Variants in RYR1 observed in about 807,000 individuals in gnomAD.
RYR1 encodes the protein ryanodine receptor 1, also known as central core disease of muscle.
In RYR1, 342 loss-of-function variants were observed where a neutral mutation model predicts 583.5. The ratio of observed to expected loss-of-function variants is 0.59; its 90% CI spans 0.54 to 0.64. The LOEUF (loss-of-function observed/expected upper bound fraction) is 0.64, where lower values mean the gene tolerates loss of function less well. RYR1 is among the 30% of genes least tolerant of loss of function. RYR1 has a pLI of 0.00. For missense variants in RYR1, 6,032 were observed against 6,917.2 expected (o/e 0.87, Z 4.54); for synonymous variants, 2,791 against 2,822.5 (o/e 0.99, Z 0.35).
intron 70 of RYR1, among the ~76,000 whole-genome samples, chr19:38,524,282 G>A (rs893058652): frequency 1.4e-5 from 2 of 140,038 alleles, no homozygotes; most frequent in East Asian, 2.1e-4. Context: ...AGAGGCACAC[G>A]GAGCATGGTT....
intron 91 of RYR1, 135 bp from the exon 92 acceptor site, chr19:38,566,776 T>A (rs1291676135): frequency 6.7e-7 from 1 of 1,499,050 alleles, no homozygotes; most frequent in Non-Finnish European, 9.0e-7. Context: ...ATAATCTGCC[T>A]CTTTCTGGTG....
intron 24 of RYR1, 58 bp from the exon 25 acceptor site, chr19:38,467,552 A>G: frequency 1.3e-6 from 2 of 1,579,594 alleles, no homozygotes; most frequent in Non-Finnish European, 1.7e-6. Context: ...CAACTTCTCG[A>G]TGTCTTGGGA....
intron 63 of RYR1, among the ~76,000 whole-genome samples, chr19:38,513,693 A>G (rs576617099): frequency 1.2e-4 from 18 of 151,206 alleles, no homozygotes; most frequent in Non-Finnish European, 2.4e-4. Context: ...CTGAGATTGC[A>G]CCACTGCACT....
At chr19:38,556,050 G>C (rs1243874035) in intron 89 of RYR1, among the ~76,000 whole-genome samples, 1 of 152,010 alleles carries the variant, frequency 6.6e-6, no homozygotes, top group Non-Finnish European at 1.5e-5. Context: ...TTTTAGTAGA[G>C]ACAAGGTTTC....
rs775506842 is a variant in RYR1 at position 38,442,463 on chromosome 19, C to T, written c.270+10C>T. The T allele has an allele frequency of 2.1e-5, 34 of 1,606,324 alleles. 1 individual carries two copies. In the Admixed American group the frequency reaches 3.0e-4, roughly 14 times the overall value. On this transcript the variant is annotated intron_variant, in intron 3 of 105. Transcript: ENST00000359596. ...GGAGGCTGGCGTGGAGGTGAGGACC[C>T]CACCTGGGGGTGGGCGGGGTGGCAG...
At chr19:38,473,199 G>C (rs991084262) in intron 27 of RYR1, among the ~76,000 whole-genome samples, 178 bp from the exon 28 acceptor site, 13 of 152,086 alleles carry the variant, frequency 8.5e-5, no homozygotes, top group African/African-American at 2.9e-4. Context: ...AGCACCCCAG[G>C]GCCCAGCGGT....
intron 89 of RYR1, among the ~76,000 whole-genome samples, chr19:38,557,601 G>GTTCAAGGC (rs1245260779): frequency 6.6e-6 from 1 of 152,142 alleles, no homozygotes. Flanking sequence ...GGGACAGAGA[G>GTTCAAGGC]CAGCCTGGGC....
intron 31 of RYR1, among the ~76,000 whole-genome samples, chr19:38,479,155 A>T (rs1479436894): frequency 6.6e-6 from 1 of 152,228 alleles, no homozygotes; most frequent in East Asian, 1.9e-4. Flanking sequence ...ACCAGGGAAC[A>T]CGCTAGGATG....
chr19:38,568,525 C>T (rs1472173429), intron 93 of RYR1, among the ~76,000 whole-genome samples: 2 of 141,452 alleles, frequency 1.4e-5, no homozygotes, highest in Non-Finnish European at 3.0e-5. Flanking sequence ...CGCCTGAGGT[C>T]AGGAGTTCAA....
chr19:38,460,900 G>A (rs1174967133), intron 20 of RYR1, among the ~76,000 whole-genome samples: 2 of 152,262 alleles, frequency 1.3e-5, no homozygotes, highest in Non-Finnish European at 2.9e-5. Flanking sequence ...CAGGAGAATC[G>A]CTTGAACCCG....
chr19:38,577,744 A>T (rs558804340), intron 97 of RYR1, among the ~76,000 whole-genome samples, 174 bp from the exon 98 acceptor site: 1 of 151,970 alleles, frequency 6.6e-6, no homozygotes, highest in Non-Finnish European at 1.5e-5. Flanking sequence ...TGCAGTGAGC[A>T]GAGATGGCGC....
rs1239860669 is a variant in RYR1 at position 38,512,131 on chromosome 19, A to C, written c.9232A>C (p.Arg3078=). 2 of 1,614,068 alleles carry C rather than the reference A, an allele frequency of 1.2e-6. No homozygotes were observed. Among genetic ancestry groups the C allele is most frequent in the African/African-American group, 2.7e-5 (2 of 74,986 alleles). ...CATCCTGGCCCGCTCCCTGGATGCC[A>C]GGTAGGGCCATAGGCAGTGGCGCCC... ...LHILARSLDA[R]TVMKSGPEIV... The change falls in exon 62 of 106, where the codon AGG becomes CGG. Residue 3078 remains arginine (R), a splice_region_variant and synonymous_variant. Coordinates refer to ENST00000359596, the MANE Select transcript of RYR1 (RefSeq NM_000540.3). The surrounding 1 kb of genome is among the most constrained non-coding windows in gnomAD (Gnocchi z 5.1).
Position 38,467,745 on chromosome 19 carries a change from G to C in RYR1, c.3314G>C (p.Arg1105Thr), listed in dbSNP as rs1170674414. The C allele has an allele frequency of 6.2e-7, 1 of 1,614,218 alleles. No homozygotes were observed. The highest frequency in any genetic ancestry group is 1.1e-5 in the South Asian group (1 of 91,086). Reference protein sequence around the residue: ...TTGEMRVGWARPELRPDVELG... With the variant: ...TTGEMRVGWATPELRPDVELG... ...GGCGAGATGCGCGTGGGCTGGGCGA[G>C]GCCCGAGCTGAGGCCTGATGTAGAG... The change falls in exon 25 of 106, where the codon AGG (arginine) becomes ACG (threonine). Residue 1105 changes from arginine to threonine, a missense_variant. Arg to Thr is a moderately conservative substitution (Grantham distance 71). This residue lies in a region of RYR1 where 2,627 missense variants were observed against 2,961.3 expected (regional missense o/e 0.89). Coordinates refer to ENST00000359596, the MANE Select transcript of RYR1 (RefSeq NM_000540.3).
intron 23 of RYR1, 35 bp downstream of exon 23, chr19:38,464,757 G>C (rs553369551): frequency 6.5e-7 from 1 of 1,540,446 alleles, no homozygotes; most frequent in South Asian, 1.2e-5. Flanking sequence ...TCTGGGGATG[G>C]ACTGGGGGCT....
rs3039200 is a variant in RYR1 at position 38,585,369 on chromosome 19, G to GATATATATAT, written c.14803+279_14803+288dup. 1.8e-4 allele frequency among the ~76,000 whole-genome samples: 26 copies of GATATATATAT among 141,062 alleles called. No individual in the cohort carries two copies. The East Asian group carries it at 4.5e-3, about 24-fold the overall frequency. The allele number at this position is 141,062 out of a possible 152,430, so 92.5% of individuals were successfully genotyped here. A position where few individuals can be genotyped will look rare whatever the true frequency, so the allele number is the denominator to read the frequency against. On this transcript the variant is annotated intron_variant, in intron 102 of 105. Coordinates refer to ENST00000359596, the MANE Select transcript of RYR1 (RefSeq NM_000540.3). ...ATATGAGTGCTCAATAAAGGCCTGA[G>GATATATATAT]ATATATATATATATATATGTTTATT... is the stretch of plus-strand genomic sequence containing the variant.
chr19:38,461,762 A>G (rs902765142), intron 20 of RYR1, among the ~76,000 whole-genome samples: 1 of 148,874 alleles, frequency 6.7e-6, no homozygotes, highest in Non-Finnish European at 1.5e-5. Context: ...AGAGAGAGAA[A>G]GAAAGAAAAA....
chr19:38,517,741 T>A (rs566904093), intron 66 of RYR1, 50 bp downstream of exon 66: 1 of 1,561,536 alleles, frequency 6.4e-7, no homozygotes, highest in African/African-American at 1.4e-5. Flanking sequence ...CAGCCTGGGC[T>A]CCCTTGGCAG....
At position 38,565,637 on chromosome 19, in the gene RYR1, GACGGGGCGGTGGCC is replaced by G; in HGVS notation, c.13304_13317del (p.Asp4435GlyfsTer143). 1.4e-6 allele frequency: 2 copies of G among 1,395,406 alleles called. No homozygotes were observed. The highest frequency in any genetic ancestry group is 6.0e-5 in the East Asian group (2 of 33,494). 86.4% of individuals were successfully genotyped at this position (1,395,406 alleles called of 1,614,324 possible). On this transcript the variant is annotated frameshift_variant, in exon 91 of 106. Coordinates refer to ENST00000359596, the MANE Select transcript of RYR1 (RefSeq NM_000540.3). LOFTEE classifies it high-confidence loss of function. The surrounding 1 kb of genome is among the most constrained non-coding windows in gnomAD (Gnocchi z 4.7). ...GCACGAGGCCGGGCCGGGCGGTGCC[GACGGGGCGGTGGCC>G]GTGACCGATGGGGGCCCCTTCCGGC... is the stretch of plus-strand genomic sequence containing the variant.
Position 38,567,810 on chromosome 19 carries a change from A to G in RYR1, c.13552A>G (p.Thr4518Ala). ...GGAGAAGGAAGAAGTTCCCGAGCCC[A>G]CACCAGAGCCCCCCAAGAAGCAAGC... ...NGEKEEVPEP[T>A]PEPPKKQAPP... The change falls in exon 93 of 106, where the codon ACA becomes GCA. Residue 4518 changes from threonine to alanine, a missense_variant. Physicochemically the swap from Thr to Ala is moderately conservative, Grantham distance 58. Around this residue, in one of 11 missense-constraint regions of RYR1, gnomAD observed 753 missense variants for 759.6 expected, o/e 0.99. Transcript: ENST00000359596. 1 of 1,614,146 alleles carries G rather than the reference A, an allele frequency of 6.2e-7. No homozygotes were observed. Among genetic ancestry groups the G allele is most frequent in the Non-Finnish European group, 8.5e-7 (1 of 1,180,016 alleles).
Sources: allele counts gnomAD v4.1 joint callset (sites outside exome capture counted in the v4.1 genomes callset), GRCh38; gene constraint gnomAD v4.1.1; regional missense constraint gnomAD v4.1.1; non-coding constraint Gnocchi (gnomAD v3.1); transcripts MANE v1.5; gene names NCBI Gene and HGNC (gene_info 2026-07-23, HGNC 2026-07-21).